The following ARSK variants were observed in gnomAD, a reference collection of about 807,000 sequenced individuals.
ARSK encodes arylsulfatase K.
A neutral mutation model predicts 53.2 loss-of-function variants in ARSK; 37 were observed. The observed-to-expected ratio is 0.70, with a 90% confidence interval of 0.54 to 0.92. The LOEUF is 0.92. Ranked by LOEUF, ARSK falls within the 40% of genes least tolerant of loss-of-function variation. The probability of loss-of-function intolerance (pLI) is 0.00; values close to 1 mark genes in which losing one functional copy is unlikely to be tolerated. For missense variants in ARSK, 613 were observed against 643.0 expected (o/e 0.95, Z 0.51); for synonymous variants, 208 against 223.2 (o/e 0.93, Z 0.61).
Position 95,603,632 on chromosome 5 carries a change from G to A in ARSK, c.*106G>A, listed in dbSNP as rs867662554. The A allele has an allele frequency of 1.7e-5, 18 of 1,060,986 alleles. No homozygotes were observed. The highest frequency in any genetic ancestry group is 8.2e-5 in the African/African-American group (5 of 61,184). 65.7% of individuals were successfully genotyped at this position (1,060,986 alleles called of 1,614,324 possible). On this transcript the variant is annotated 3_prime_UTR_variant, in exon 8 of 8. Transcript: ENST00000380009. ...TTTTAATAATTACCAAGTTTTGGCC[G>A]GGCACAGTGGCTCACACCTGTAATC... is the stretch of plus-strand genomic sequence containing the variant.
chr5:95,557,058 TA>T (rs891398806), intron 1 of ARSK: 1 of 151,584 alleles, frequency 6.6e-6, no homozygotes, highest in African/African-American at 2.4e-5. Context: ...AAATAAAAAA[TA>T]AAAAAAATTT....
At chr5:95,571,758 T>C (rs1027264744) in intron 3 of ARSK, among the ~76,000 whole-genome samples, 6 of 152,222 alleles carry the variant, frequency 3.9e-5, no homozygotes, top group African/African-American at 9.6e-5. Context: ...AGTATTTTTA[T>C]GAGCGCTGTA....
chr5:95,575,978 C>G (rs1748917555), intron 3 of ARSK, among the ~76,000 whole-genome samples: 1 of 151,926 alleles, frequency 6.6e-6, no homozygotes, highest in Non-Finnish European at 1.5e-5. Flanking sequence ...AGAGGAAGGA[C>G]TTTCAGTTTT....
At position 95,603,583 on chromosome 5, in the gene ARSK, A is replaced by G; in HGVS notation, c.*57A>G. 7.2e-7 allele frequency: 1 copy of G among 1,380,370 alleles called. No homozygotes were observed. The highest frequency in any genetic ancestry group is 9.6e-7 in the Non-Finnish European group (1 of 1,045,704). 85.5% of individuals were successfully genotyped at this position (1,380,370 alleles called of 1,614,324 possible). On this transcript the variant is annotated 3_prime_UTR_variant, in exon 8 of 8. Coordinates refer to ENST00000380009, the MANE Select transcript of ARSK (RefSeq NM_198150.3). The stretch of plus-strand genomic sequence containing the variant: ...ACATATAAATATATTACAAGATCAT[A>G]ATTATGTATTTTAAATGAAACAGTT...
intron 5 of ARSK, among the ~76,000 whole-genome samples, chr5:95,587,417 G>A (rs1302664367): frequency 1.3e-5 from 2 of 152,096 alleles, no homozygotes; most frequent in Non-Finnish European, 2.9e-5. Context: ...CATTTATTTT[G>A]CTGCACTTAG....
chr5:95,560,305 CT>C (rs889198350), intron 1 of ARSK, among the ~76,000 whole-genome samples: 92 of 146,316 alleles, frequency 6.3e-4, no homozygotes, highest in Admixed American at 1.5e-3. Flanking sequence ...TCCCTAGAAC[CT>C]TTTTTTTTTT....
rs750127084 is a variant in ARSK, at chr5:95,601,064, A to C, written c.1314A>C (p.Gln438His). Residue 438 changes from glutamine (Q) to histidine (H), a missense_variant, in exon 7 of 8, where the codon CAA becomes CAC. Transcript: ENST00000380009. Reference sequence around the variant, plus strand: ...CGGATGGTGCATCAATATTGCCTCAACTCTTTGGTAAGTTTGTTAATATAT... The same window carrying C: ...CGGATGGTGCATCAATATTGCCTCACCTCTTTGGTAAGTTTGTTAATATAT... ...AYSDGASILPQLFDLSSDPDE... is the reference protein window; with the variant it reads ...AYSDGASILPHLFDLSSDPDE... 5 of 1,611,404 alleles carry C rather than the reference A, an allele frequency of 3.1e-6. No homozygotes were observed. Among genetic ancestry groups the C allele is most frequent in the Non-Finnish European group, 1.7e-6 (2 of 1,177,704 alleles).
At chr5:95,585,071 T>C (rs1039813740) in intron 4 of ARSK, among the ~76,000 whole-genome samples, 3 of 151,936 alleles carry the variant, frequency 2.0e-5, no homozygotes, top group African/African-American at 7.3e-5. Flanking sequence ...CCAACAAATA[T>C]ATGAGAAAAG....
chr5:95,603,181 T>A (rs542033937), intron 7 of ARSK, 56 bp from the exon 8 acceptor site: 1 of 1,403,122 alleles, frequency 7.1e-7, no homozygotes. Context: ...AATGACATTC[T>A]AAAAAAATTT....
intron 4 of ARSK, among the ~76,000 whole-genome samples, chr5:95,586,120 T>C (rs1028125027): frequency 1.3e-5 from 2 of 152,196 alleles, no homozygotes; most frequent in African/African-American, 4.8e-5. Context: ...GAGTCATATT[T>C]GTTTTTGACA....
chr5:95,556,414 C>T (rs1561358136), intron 1 of ARSK: 6 of 587,834 alleles, frequency 1.0e-5, no homozygotes, highest in South Asian at 6.3e-5. Context: ...TTGTTGCCAT[C>T]TTATGAATGA....
chr5:95,592,782 T>C (rs1749241699), intron 6 of ARSK, among the ~76,000 whole-genome samples: 1 of 152,068 alleles, frequency 6.6e-6, no homozygotes. Flanking sequence ...CCCTTGACCT[T>C]GTGATCCGCT....
intron 4 of ARSK, among the ~76,000 whole-genome samples, chr5:95,585,408 T>C (rs1337833878): frequency 2.6e-5 from 4 of 152,158 alleles, no homozygotes; most frequent in East Asian, 1.9e-4. Context: ...TGCAAAAATA[T>C]AGAACCAGCC....
chr5:95,556,325 G>C (rs1748507525), intron 1 of ARSK: 1 of 685,938 alleles, frequency 1.5e-6, no homozygotes, highest in East Asian at 2.7e-5. Flanking sequence ...AAATTGACTA[G>C]ATGGCATTTT....
intron 5 of ARSK, among the ~76,000 whole-genome samples, chr5:95,588,344 CT>C (rs1379359808): frequency 6.7e-6 from 1 of 150,228 alleles, no homozygotes; most frequent in Non-Finnish European, 1.5e-5. Flanking sequence ...TCAAGCGATT[CT>C]CCTGCCTCAG....
chr5:95,571,080 C>T (rs972300066), intron 3 of ARSK, among the ~76,000 whole-genome samples: 2 of 152,218 alleles, frequency 1.3e-5, no homozygotes, highest in African/African-American at 4.8e-5. Context: ...TGCACCCGGC[C>T]ATAACCATCA....
Position 95,582,986 on chromosome 5 carries a change from C to G in ARSK, c.487C>G (p.Leu163Val). The G allele has an allele frequency of 2.5e-6, 4 of 1,613,798 alleles. No individual in the cohort carries two copies. The highest frequency in any genetic ancestry group is 3.4e-6 in the Non-Finnish European group (4 of 1,179,776). The change falls in exon 4 of 8, where the codon CTT becomes GTT. Residue 163 changes from leucine (L) to valine (V), a missense_variant. By Grantham distance (32) the Leu-to-Val change is conservative. Coordinates refer to ENST00000380009, the MANE Select transcript of ARSK (RefSeq NM_198150.3). ...ACAAGAAGGCAGGCCCATGGTTAAT[C>G]TTATCCGTAACAGGACTAAAGTCAG... ...LRQEGRPMVNLIRNRTKVRVM... is the reference protein window; with the variant it reads ...LRQEGRPMVNVIRNRTKVRVM...
chr5:95,603,665 T>A lies in ARSK; in HGVS notation c.*139T>A. 1 of 702,388 alleles carries A rather than the reference T, an allele frequency of 1.4e-6. No homozygotes were observed. The highest frequency in any genetic ancestry group is 2.1e-6 in the Non-Finnish European group (1 of 470,972). The allele number at this position is 702,388 out of a possible 1,614,324, so 43.5% of individuals were successfully genotyped here. ...TGGCTCACACCTGTAATCCCAGGAC[T>A]TTGGGAGGCTGAGGAAAGCAGATCA... On this transcript the variant is annotated 3_prime_UTR_variant, in exon 8 of 8. Coordinates refer to ENST00000380009, the MANE Select transcript of ARSK (RefSeq NM_198150.3).
At chr5:95,556,539 G>T (rs577783986) in intron 1 of ARSK, 1 of 340,332 alleles carries the variant, frequency 2.9e-6, no homozygotes, top group Non-Finnish European at 5.4e-6. Flanking sequence ...CTAGAATGGG[G>T]CATGGTGTTG....
Sources: allele counts gnomAD v4.1 joint callset (sites outside exome capture counted in the v4.1 genomes callset), GRCh38; gene constraint gnomAD v4.1.1; transcripts MANE v1.5; gene names NCBI Gene and HGNC (gene_info 2026-07-23, HGNC 2026-07-21).